Variants in CEP112 observed in about 807,000 individuals in gnomAD.
CEP112 encodes the protein centrosomal protein 112, also known as centrosomal protein of 112 kDa.
A neutral mutation model predicts 153.0 loss-of-function variants in CEP112; 127 were observed. The ratio of observed to expected loss-of-function variants is 0.83; its 90% CI spans 0.72 to 0.96. The LOEUF is 0.96. CEP112 is among the 40% of genes least tolerant of loss of function. CEP112 has a pLI of 0.00. For synonymous variants in CEP112, 358 were observed against 374.4 expected, an observed-to-expected ratio of 0.96 and a Z score of 0.51; for missense variants, 1,089 against 1,101.2, an observed-to-expected ratio of 0.99 and a Z score of 0.16.
At position 65,859,889 on chromosome 17, in the gene CEP112, C is replaced by T. The variant is rs565584035; in HGVS notation, c.2164-7855G>A. Among the ~76,000 whole-genome samples, 11 of 148,966 alleles carry T rather than the reference C, an allele frequency of 7.4e-5. No individual in the cohort carries two copies. The South Asian group carries it at 1.9e-3, about 26-fold the overall frequency. On this transcript the variant is annotated intron_variant, in intron 20 of 26. Coordinates refer to ENST00000535342, the MANE Select transcript of CEP112 (RefSeq NM_001199165.4). Reference sequence around the variant, plus strand: ...AAAAAAAATTAGCTGGGTGTGGTGGCGGGCGCCTCCAGCTACTTGGAAGGC... The same window carrying T: ...AAAAAAAATTAGCTGGGTGTGGTGGTGGGCGCCTCCAGCTACTTGGAAGGC...
At chr17:66,000,492 TAAAAAAA>T (rs74269525) in intron 17 of CEP112, among the ~76,000 whole-genome samples, 22 of 139,844 alleles carry the variant, frequency 1.6e-4, no homozygotes, top group African/African-American at 5.5e-4. Flanking sequence ...GTCAGTAGAT[TAAAAAAA>T]AAAAAAAAGG....
intron 23 of CEP112, among the ~76,000 whole-genome samples, chr17:65,736,770 G>A (rs538375891): frequency 2.6e-5 from 4 of 152,262 alleles, no homozygotes; most frequent in South Asian, 2.1e-4. Flanking sequence ...CCTCATTGAC[G>A]TGGACAGAAA....
intron 8 of CEP112, among the ~76,000 whole-genome samples, chr17:66,073,378 T>A (rs923486688): frequency 1.3e-5 from 2 of 152,174 alleles, no homozygotes; most frequent in Non-Finnish European, 2.9e-5. Flanking sequence ...TCTGAGCAGT[T>A]AAAGAATCTT....
At chr17:65,852,733 T>C (rs554466376) in intron 20 of CEP112, among the ~76,000 whole-genome samples, 21 of 152,030 alleles carry the variant, frequency 1.4e-4, no homozygotes, top group South Asian at 1.0e-3. Context: ...GTGTTCCCTA[T>C]TGGATTTTTA....
At chr17:66,186,239 G>A (rs1240929542) in intron 1 of CEP112, among the ~76,000 whole-genome samples, 1 of 152,026 alleles carries the variant, frequency 6.6e-6, no homozygotes, top group African/African-American at 2.4e-5. Context: ...TCTCATCTCT[G>A]TCATCTTGCA....
chr17:65,946,713 G>A (rs1018926372), intron 18 of CEP112, among the ~76,000 whole-genome samples: 2 of 152,066 alleles, frequency 1.3e-5, no homozygotes, highest in African/African-American at 4.8e-5. Flanking sequence ...TTAAGATTTT[G>A]ATTTTTTAAA....
At chr17:66,037,467 T>G (rs968675615) in intron 12 of CEP112, among the ~76,000 whole-genome samples, 1 of 152,140 alleles carries the variant, frequency 6.6e-6, no homozygotes, top group Non-Finnish European at 1.5e-5. Context: ...CAAACTACAT[T>G]GAACAATTCT....
chr17:65,719,445 G>A (rs1271349802), intron 23 of CEP112, among the ~76,000 whole-genome samples: 4 of 152,128 alleles, frequency 2.6e-5, no homozygotes, highest in Admixed American at 1.3e-4. Context: ...AGCCCGGCGT[G>A]GTGGTGGCCA....
chr17:65,780,991 A>G (rs1377503847), intron 21 of CEP112, among the ~76,000 whole-genome samples: 5 of 152,176 alleles, frequency 3.3e-5, no homozygotes, highest in African/African-American at 4.8e-5. Flanking sequence ...TTTATAAAAT[A>G]TATTTGCACT....
At chr17:65,645,220 AT>A (rs1837076221) in intron 24 of CEP112, among the ~76,000 whole-genome samples, 1 of 151,710 alleles carries the variant, frequency 6.6e-6, no homozygotes, top group Admixed American at 6.6e-5. Flanking sequence ...CATTTTATCT[AT>A]TATTACTTTT....
intron 24 of CEP112, among the ~76,000 whole-genome samples, chr17:65,683,451 G>C (rs575554822): frequency 1.1e-4 from 16 of 152,304 alleles, no homozygotes; most frequent in African/African-American, 3.9e-4. Flanking sequence ...GAGGACCCCG[G>C]GGGCAACCCA....
intron 21 of CEP112, among the ~76,000 whole-genome samples, chr17:65,834,105 A>G (rs2057203522): frequency 6.6e-6 from 1 of 152,062 alleles, no homozygotes; most frequent in Non-Finnish European, 1.5e-5. Context: ...CAGGGAAAAG[A>G]CTCCCTATTC....
intron 20 of CEP112, among the ~76,000 whole-genome samples, chr17:65,877,177 T>C (rs1322632219): frequency 6.6e-6 from 1 of 152,214 alleles, no homozygotes; most frequent in Non-Finnish European, 1.5e-5. Context: ...CTAATCCAGT[T>C]TTCCCACCTT....
chr17:65,970,085 C>T (rs1015101716), intron 17 of CEP112, among the ~76,000 whole-genome samples: 1 of 152,190 alleles, frequency 6.6e-6, no homozygotes. Flanking sequence ...TGCATGCCAC[C>T]TGCATATTAC....
intron 17 of CEP112, among the ~76,000 whole-genome samples, chr17:65,969,805 G>A (rs1168199623): frequency 2.0e-5 from 3 of 150,644 alleles, no homozygotes; most frequent in Non-Finnish European, 4.4e-5. Context: ...CGCATCACAT[G>A]TATATTACCT....
At chr17:65,863,757 A>AG (rs1298899760) in intron 20 of CEP112, among the ~76,000 whole-genome samples, 1 of 150,954 alleles carries the variant, frequency 6.6e-6, no homozygotes, top group East Asian at 2.0e-4. Flanking sequence ...CTCAAAAAAA[A>AG]AAAGAAAAAA....
intron 24 of CEP112, among the ~76,000 whole-genome samples, chr17:65,667,257 A>C (rs1027693037): frequency 6.6e-6 from 1 of 152,138 alleles, no homozygotes; most frequent in African/African-American, 2.4e-5. Context: ...AAGCCTTAAC[A>C]CATGATTTAA....
intron 18 of CEP112, among the ~76,000 whole-genome samples, chr17:65,929,092 G>A (rs926743517): frequency 6.6e-6 from 1 of 152,110 alleles, no homozygotes; most frequent in Non-Finnish European, 1.5e-5. Context: ...GTTTCTTTGG[G>A]GGAAGATGAA....
chr17:66,155,481 G>A (rs919534669), intron 4 of CEP112, among the ~76,000 whole-genome samples: 9 of 151,896 alleles, frequency 5.9e-5, no homozygotes, highest in African/African-American at 1.5e-4. Context: ...GGCAGACATC[G>A]AGATAGCTGT....
Sources: gnomAD v4.1 joint callset for allele counts (sites outside exome capture counted in the v4.1 genomes callset) on GRCh38, gnomAD v4.1.1 for gene constraint, MANE v1.5 for transcripts, NCBI Gene and HGNC (gene_info 2026-07-23, HGNC 2026-07-21) for gene names.